PTPRT: variants seen among roughly 807,000 people sequenced by gnomAD.
PTPRT encodes receptor-type tyrosine-protein phosphatase T.
A neutral mutation model predicts 176.8 loss-of-function variants in PTPRT; 56 were observed. That is an observed-to-expected ratio of 0.32 (90% confidence interval 0.26 to 0.40). PTPRT has a LOEUF of 0.40. PTPRT is among the 10% of genes least tolerant of loss of function. The pLI, the probability that PTPRT is intolerant of heterozygous loss-of-function variation, is 1.00. For synonymous variants in PTPRT, 783 were observed against 739.0 expected, an observed-to-expected ratio of 1.06 and a Z score of -0.96; for missense variants, 1,540 against 1,908.2, an observed-to-expected ratio of 0.81 and a Z score of 3.60.
chr20:42,483,006 T>C (rs950802248), intron 7 of PTPRT, among the ~76,000 whole-genome samples: 1 of 152,146 alleles, frequency 6.6e-6, no homozygotes, highest in African/African-American at 2.4e-5. Flanking sequence ...TATAATATGA[T>C]GATAATGCAA....
the PTPRT span, among the ~76,000 whole-genome samples, chr20:42,048,213 A>T: frequency 9.5e-4 from 145 of 152,324 alleles, no homozygotes; most frequent in African/African-American, 3.4e-3. Flanking sequence ...GATGTTTTTC[A>T]TATGGGAAAC....
intron 7 of PTPRT, among the ~76,000 whole-genome samples, chr20:42,676,670 T>G (rs2075509661): frequency 6.6e-6 from 1 of 152,200 alleles, no homozygotes; most frequent in South Asian, 2.1e-4. Context: ...ACAAAAAGTT[T>G]AAAAGTATTG....
chr20:42,740,774 G>A (rs541917673), intron 6 of PTPRT, among the ~76,000 whole-genome samples: 20 of 152,174 alleles, frequency 1.3e-4, no homozygotes, highest in Admixed American at 7.9e-4. Context: ...AAGAGCCTCC[G>A]AGGAAGGAGA....
At chr20:42,365,350 C>T (rs2058498852) in intron 9 of PTPRT, among the ~76,000 whole-genome samples, 1 of 151,994 alleles carries the variant, frequency 6.6e-6, no homozygotes, top group East Asian at 1.9e-4. Context: ...TGTGTTGTAC[C>T]CCTATGAATT....
At chr20:42,388,250 A>C (rs1205355780) in intron 9 of PTPRT, among the ~76,000 whole-genome samples, 2 of 152,236 alleles carry the variant, frequency 1.3e-5, no homozygotes, top group Non-Finnish European at 2.9e-5. Context: ...AAAAGCAATG[A>C]CAACAAAAAC....
At chr20:42,176,374 C>T (rs1990290687) in intron 16 of PTPRT, among the ~76,000 whole-genome samples, 1 of 152,196 alleles carries the variant, frequency 6.6e-6, no homozygotes, top group South Asian at 2.1e-4. Context: ...TGCATATCTT[C>T]TCCTGATGGG....
chr20:42,459,205 T>C (rs2070975111), intron 8 of PTPRT, among the ~76,000 whole-genome samples: 1 of 152,222 alleles, frequency 6.6e-6, no homozygotes, highest in Non-Finnish European at 1.5e-5. Flanking sequence ...GGCAGGGATG[T>C]CCCTGATATA....
Position 42,143,352 on chromosome 20 carries a change from A to G in PTPRT, c.2683-1350T>C, listed in dbSNP as rs1041753892. ...GAGTGGATCACGAGGTCAGGAGATC[A>G]AGACCATCCTGGCTTAACACGGTGA... On this transcript the variant is annotated intron_variant, in intron 17 of 30. Transcript: ENST00000373187. Among the ~76,000 whole-genome samples the G allele has an allele frequency of 3.3e-5, 5 of 152,124 alleles. No individual in the cohort carries two copies. In the South Asian group the frequency reaches 1.0e-3, roughly 32 times the overall value.
intron 1 of PTPRT, among the ~76,000 whole-genome samples, chr20:43,052,722 T>C (rs1303527497): frequency 6.6e-6 from 1 of 152,202 alleles, no homozygotes; most frequent in Non-Finnish European, 1.5e-5. Context: ...TATGCAACCA[T>C]TGCCACAGCC....
intron 5 of PTPRT, among the ~76,000 whole-genome samples, chr20:42,771,211 C>T (rs189013647): frequency 3.3e-5 from 5 of 152,274 alleles, no homozygotes; most frequent in South Asian, 2.1e-4. Flanking sequence ...CACTTACCAG[C>T]GACTGACCAC....
chr20:42,130,945 G>A (rs1988095705), intron 18 of PTPRT, among the ~76,000 whole-genome samples: 1 of 152,164 alleles, frequency 6.6e-6, no homozygotes, highest in African/African-American at 2.4e-5. Context: ...GTTATTATAA[G>A]GATACCAGAA....
At chr20:42,772,960 C>T (rs1217454188) in intron 4 of PTPRT, among the ~76,000 whole-genome samples, 2 of 152,174 alleles carry the variant, frequency 1.3e-5, no homozygotes, top group African/African-American at 2.4e-5. Context: ...GTGCTGAAAG[C>T]TACACAGCGC....
intron 2 of PTPRT, among the ~76,000 whole-genome samples, chr20:42,871,316 A>T (rs201119593): frequency 0.068 from 10 of 148 alleles, no homozygotes; most frequent in South Asian, 0.25. Context: ...AGCCCTTTTT[A>T]AAAAAAAAAA....
At position 42,519,018 on chromosome 20, in the gene PTPRT, T is replaced by C. The variant is rs147110361; in HGVS notation, c.1154-46456A>G. Among the ~76,000 whole-genome samples, 36 of 152,212 alleles carry C rather than the reference T, an allele frequency of 2.4e-4. No homozygotes were observed. The East Asian group carries it at 6.8e-3, about 29-fold the overall frequency. ...CCCCCATTTTAACATCTTCCAAAAC[T>C]ATGGTGCAATGTCCTGATCGAGTTC... On this transcript the variant is annotated intron_variant, in intron 7 of 30. Transcript: ENST00000373187.
chr20:43,075,335 T>A (rs1027225241), intron 1 of PTPRT, among the ~76,000 whole-genome samples: 2 of 152,146 alleles, frequency 1.3e-5, no homozygotes, highest in Admixed American at 1.3e-4. Flanking sequence ...CGGTGAAGAG[T>A]CCTCTCCTGC....
intron 7 of PTPRT, among the ~76,000 whole-genome samples, chr20:42,625,526 T>C (rs535176673): frequency 6.6e-6 from 1 of 152,022 alleles, no homozygotes; most frequent in South Asian, 2.1e-4. Flanking sequence ...GTCTCTGTCT[T>C]CCCTCTCCCA....
intron 6 of PTPRT, among the ~76,000 whole-genome samples, chr20:42,730,138 A>G (rs2076438526): frequency 6.6e-6 from 1 of 152,132 alleles, no homozygotes; most frequent in African/African-American, 2.4e-5. Context: ...CTGACTTACT[A>G]CCCAACGTCA....
chr20:42,088,220 C>G (rs1417892307), intron 27 of PTPRT, among the ~76,000 whole-genome samples: 1 of 152,138 alleles, frequency 6.6e-6, no homozygotes, highest in African/African-American at 2.4e-5. Flanking sequence ...CCAAGATTCA[C>G]AAAGAAAGAC....
chr20:43,083,507 C>T (rs1309511316), intron 1 of PTPRT, among the ~76,000 whole-genome samples: 1 of 150,952 alleles, frequency 6.6e-6, no homozygotes, highest in African/African-American at 2.4e-5. Context: ...ATTACAGTCA[C>T]GCAACACCTG....
Sources: allele counts gnomAD v4.1 joint callset (sites outside exome capture counted in the v4.1 genomes callset), GRCh38; gene constraint gnomAD v4.1.1; transcripts MANE v1.5; gene names NCBI Gene and HGNC (gene_info 2026-07-23, HGNC 2026-07-21).